The following CNBD1 variants were observed in gnomAD, a reference collection of about 807,000 sequenced individuals.
CNBD1 encodes the protein cyclic nucleotide-binding domain-containing protein 1.
In CNBD1, 71 loss-of-function variants were observed where a neutral mutation model predicts 54.4. The ratio of observed to expected loss-of-function variants is 1.30; its 90% confidence interval spans 1.08 to 1.59. The LOEUF is 1.59. Ranked by LOEUF, CNBD1 falls within the 40% of genes most tolerant of loss-of-function variation. The probability of loss-of-function intolerance (pLI) is 0.00; values close to 1 mark genes in which losing one functional copy is unlikely to be tolerated. For missense variants in CNBD1, 659 were observed against 518.0 expected, an observed-to-expected ratio of 1.27 and a Z score of -2.64; for synonymous variants, 182 against 170.7, an observed-to-expected ratio of 1.07 and a Z score of -0.51.
intron 8 of CNBD1, among the ~76,000 whole-genome samples, chr8:87,323,843 A>G: frequency 7.8e-6 from 1 of 127,764 alleles, no homozygotes; most frequent in East Asian, 2.0e-4. Context: ...CACTGTGTTG[A>G]ATAGGAGTGG....
intron 4 of CNBD1, among the ~76,000 whole-genome samples, chr8:87,140,533 G>A (rs1268840083): frequency 6.6e-6 from 1 of 152,064 alleles, no homozygotes; most frequent in Non-Finnish European, 1.5e-5. Context: ...GATGGCTTAA[G>A]TAATCTGTTA....
intron 10 of CNBD1, among the ~76,000 whole-genome samples, chr8:87,374,921 G>T (rs1045774644): frequency 2.0e-5 from 3 of 151,864 alleles, no homozygotes; most frequent in Non-Finnish European, 4.4e-5. Flanking sequence ...ACTACCAAGT[G>T]CTACACTGAG....
At chr8:87,162,121 G>T (rs1028974548) in intron 4 of CNBD1, among the ~76,000 whole-genome samples, 43 of 151,946 alleles carry the variant, frequency 2.8e-4, no homozygotes, top group African/African-American at 1.0e-3. Context: ...CATAATCTTA[G>T]ATTAATATTT....
At chr8:87,115,719 G>A (rs1208562614) in intron 4 of CNBD1, among the ~76,000 whole-genome samples, 2 of 152,170 alleles carry the variant, frequency 1.3e-5, no homozygotes, top group Non-Finnish European at 2.9e-5. Context: ...GATAAGAGCA[G>A]GTTTCACCTA....
chr8:87,228,314 A>T (rs182034992), intron 5 of CNBD1, among the ~76,000 whole-genome samples: 4 of 149,832 alleles, frequency 2.7e-5, no homozygotes, highest in African/African-American at 7.6e-5. Context: ...GAGGAGAGGC[A>T]CTCTGATTTT....
At chr8:87,366,686 G>A (rs545354716) in intron 10 of CNBD1, among the ~76,000 whole-genome samples, 2 of 152,126 alleles carry the variant, frequency 1.3e-5, no homozygotes, top group South Asian at 4.1e-4. Context: ...TGCTACCATA[G>A]TGCTGGAGGT....
intron 4 of CNBD1, among the ~76,000 whole-genome samples, chr8:87,203,684 C>T (rs62527348): frequency 0.069 from 10,543 of 152,208 alleles, 435 homozygotes; most frequent in African/African-American, 0.1. Flanking sequence ...TCACTAGTTA[C>T]GCATTTCAAA....
chr8:86,898,794 C>T (rs1808888589), intron 2 of CNBD1, among the ~76,000 whole-genome samples: 1 of 152,046 alleles, frequency 6.6e-6, no homozygotes, highest in Admixed American at 6.6e-5. Flanking sequence ...AAAAGCATGA[C>T]TGATGAAAGA....
intron 2 of CNBD1, among the ~76,000 whole-genome samples, chr8:87,404,659 G>T (rs1807623798): frequency 6.6e-6 from 1 of 152,034 alleles, no homozygotes; most frequent in Non-Finnish European, 1.5e-5. Context: ...TACCCACAGT[G>T]TATACATCTG....
downstream of CNBD1, among the ~76,000 whole-genome samples, chr8:87,387,459 G>T (rs958615886): frequency 6.6e-6 from 1 of 152,120 alleles, no homozygotes; most frequent in East Asian, 1.9e-4. Flanking sequence ...TGCAACTCTA[G>T]TCTCTGATAA....
chr8:87,371,276 T>A, intron 10 of CNBD1, among the ~76,000 whole-genome samples: 1 of 152,040 alleles, frequency 6.6e-6, no homozygotes, highest in Admixed American at 6.6e-5. Context: ...AAGTCATTGG[T>A]AGCTTGATGG....
At chr8:87,058,274 A>G (rs1458206895) in intron 4 of CNBD1, among the ~76,000 whole-genome samples, 3 of 152,190 alleles carry the variant, frequency 2.0e-5, no homozygotes, top group Non-Finnish European at 4.4e-5. Context: ...CCTCAGTCCC[A>G]GCTGCTTTCA....
chr8:87,172,452 A>G (rs1333817939), intron 4 of CNBD1, among the ~76,000 whole-genome samples: 2 of 152,030 alleles, frequency 1.3e-5, no homozygotes, highest in African/African-American at 4.8e-5. Flanking sequence ...GATCTGTTCA[A>G]TGCTGAAAGT....
chr8:87,358,923 A>G (rs1347056593), intron 10 of CNBD1, among the ~76,000 whole-genome samples: 5 of 152,156 alleles, frequency 3.3e-5, no homozygotes, highest in Admixed American at 1.3e-4. Context: ...TTTTTAATCT[A>G]TTCAGGCCCG....
intron 4 of CNBD1, among the ~76,000 whole-genome samples, chr8:87,101,462 A>G (rs1811427875): frequency 6.6e-6 from 1 of 151,970 alleles, no homozygotes; most frequent in African/African-American, 2.4e-5. Flanking sequence ...TATATGTCTA[A>G]TAATTATATA....
At chr8:87,156,078 A>G (rs867643647) in intron 4 of CNBD1, among the ~76,000 whole-genome samples, 1 of 151,836 alleles carries the variant, frequency 6.6e-6, no homozygotes, top group Non-Finnish European at 1.5e-5. Context: ...AAGAAAAGAA[A>G]AAGTGGTTGA....
intron 4 of CNBD1, among the ~76,000 whole-genome samples, chr8:86,983,193 A>G (rs1808526588): frequency 6.6e-6 from 1 of 152,148 alleles, no homozygotes; most frequent in African/African-American, 2.4e-5. Context: ...ATAGTGAATA[A>G]GTCTCACAAG....
At chr8:86,923,362 C>A (rs78363496) in intron 3 of CNBD1, among the ~76,000 whole-genome samples, 1 of 152,118 alleles carries the variant, frequency 6.6e-6, no homozygotes, top group Non-Finnish European at 1.5e-5. Context: ...GGGCACCTTC[C>A]CTTTCTATCT....
At chr8:87,322,311 A>T (rs1472827526) in intron 8 of CNBD1, among the ~76,000 whole-genome samples, 1 of 122,048 alleles carries the variant, frequency 8.2e-6, no homozygotes, top group African/African-American at 3.1e-5. Context: ...TCATTTGGGT[A>T]TATACCCAGT....
Sources: allele counts gnomAD v4.1 joint callset (sites outside exome capture counted in the v4.1 genomes callset), GRCh38; gene constraint gnomAD v4.1.1; transcripts MANE v1.5; gene names NCBI Gene and HGNC (gene_info 2026-07-23, HGNC 2026-07-21).